AKR7A3: variants seen among roughly 807,000 people sequenced by gnomAD.
AKR7A3 encodes aldo-keto reductase family 7 member A3, also known as AFB1 aldehyde reductase 2.
In AKR7A3, 37 loss-of-function variants were observed where a neutral mutation model predicts 32.5. That is an observed-to-expected ratio of 1.14 (90% CI 0.88 to 1.50). The LOEUF is 1.50. Among genes scored for constraint, AKR7A3 ranks in the 40% most tolerant of loss-of-function variants. The pLI is 0.00. For missense variants in AKR7A3, 412 were observed against 453.2 expected, an observed-to-expected ratio of 0.91 and a Z score of 0.83; for synonymous variants, 177 against 188.4, an observed-to-expected ratio of 0.94 and a Z score of 0.50.
chr1:19,276,223 G>A, the AKR7A3 span, among the ~76,000 whole-genome samples: 103 of 151,522 alleles, frequency 6.8e-4, 1 homozygote, highest in East Asian at 0.016. Context: ...TTAGCCAGGC[G>A]TGGTGGCGGG....
At chr1:19,285,661 G>C (rs982938476) in intron 3 of AKR7A3, among the ~76,000 whole-genome samples, 17 of 151,724 alleles carry the variant, frequency 1.1e-4, no homozygotes, top group African/African-American at 3.9e-4. Context: ...GGGGAAGGTA[G>C]GGAAGGAAGG....
chr1:19,278,749 T>C (rs2093714683), downstream of AKR7A3, among the ~76,000 whole-genome samples: 1 of 151,842 alleles, frequency 6.6e-6, no homozygotes, highest in South Asian at 2.1e-4. Context: ...CCTGTACTTA[T>C]TAGCAGTGAA....
the AKR7A3 span, among the ~76,000 whole-genome samples, chr1:19,274,503 C>CTT: frequency 6.6e-6 from 1 of 151,332 alleles, no homozygotes; most frequent in Non-Finnish European, 1.5e-5. Context: ...GTGTGGTGGA[C>CTT]CTAAGTAAGG....
At chr1:19,288,046 T>C (rs1267099397) in intron 1 of AKR7A3, among the ~76,000 whole-genome samples, 3 of 152,204 alleles carry the variant, frequency 2.0e-5, no homozygotes, top group Non-Finnish European at 4.4e-5. Context: ...GATAGTGTGC[T>C]GGGTCCAAAC....
chr1:19,284,762 T>G lies in AKR7A3; in HGVS notation c.628A>C (p.Lys210Gln). The change falls in exon 5 of 7, where the codon AAG (lysine) becomes CAG (glutamine). Residue 210 changes from lysine (K) to glutamine (Q), a missense_variant. Transcript: ENST00000361640. ...LAGGLLTGKY[K>Q]YEDKNGKQPV... is the part of the protein sequence containing the mutation. The stretch of plus-strand genomic sequence containing the variant: ...TGTTTCCCATTCTTGTCCTCATACT[T>G]GTACTTGCCGGTCAGCAGGCCCCCT... 6.2e-7 allele frequency: 1 copy of G among 1,613,866 alleles called. No individual in the cohort carries two copies. Among genetic ancestry groups the G allele is most frequent in the Non-Finnish European group, 8.5e-7 (1 of 1,179,990 alleles).
intron 1 of AKR7A3, among the ~76,000 whole-genome samples, chr1:19,287,712 C>T (rs112706524): frequency 6.6e-6 from 1 of 152,114 alleles, no homozygotes; most frequent in Non-Finnish European, 1.5e-5. Context: ...GCCCTTGCCC[C>T]TTGTACTCTT....
At chr1:19,280,734 C>G (rs564383553), downstream of AKR7A3, among the ~76,000 whole-genome samples, 16 of 151,658 alleles carry the variant, frequency 1.1e-4, no homozygotes, top group African/African-American at 3.7e-4. Context: ...CCACGCCCAG[C>G]TAATTTTTTG....
chr1:19,279,078 C>T (rs548076969), downstream of AKR7A3, among the ~76,000 whole-genome samples: 3 of 151,976 alleles, frequency 2.0e-5, no homozygotes, highest in East Asian at 3.9e-4. Context: ...CCCACCTCGG[C>T]TTCCTGAGTA....
chr1:19,279,880 G>A (rs6665141), downstream of AKR7A3, among the ~76,000 whole-genome samples: 140,927 of 151,800 alleles, frequency 0.93, 65,595 homozygotes, highest in African/African-American at 0.98. Flanking sequence ...TGTGTGGCCC[G>A]ACACAAATTC....
downstream of AKR7A3, among the ~76,000 whole-genome samples, chr1:19,277,897 C>G (rs1231071841): frequency 6.6e-6 from 1 of 151,900 alleles, no homozygotes; most frequent in Non-Finnish European, 1.5e-5. Flanking sequence ...ATGTGATTTG[C>G]AAAATACTAT....
chr1:19,276,975 G>A, the AKR7A3 span, among the ~76,000 whole-genome samples: 25 of 151,198 alleles, frequency 1.7e-4, no homozygotes, highest in Non-Finnish European at 2.7e-4. Flanking sequence ...TTAGCCGGGC[G>A]TGGTGGCTCA....
chr1:19,284,920 G>C, intron 4 of AKR7A3, 98 bp downstream of exon 4: 1 of 1,585,014 alleles, frequency 6.3e-7, no homozygotes, highest in Non-Finnish European at 8.7e-7. Flanking sequence ...TGACCTCAGA[G>C]GTCAAAGTTT....
At chr1:19,287,622 C>T (rs28629463) in intron 1 of AKR7A3, among the ~76,000 whole-genome samples, 3 of 151,936 alleles carry the variant, frequency 2.0e-5, no homozygotes, top group African/African-American at 4.9e-5. Context: ...TCCTCCCCTC[C>T]GGCCACACCT....
chr1:19,287,306 CAAA>C (rs35986667), intron 1 of AKR7A3, among the ~76,000 whole-genome samples: 1 of 132,676 alleles, frequency 7.5e-6, no homozygotes, highest in Admixed American at 7.7e-5. Context: ...GACCCTGTCT[CAAA>C]AAAAAAAAAA....
At chr1:19,285,137 G>C (rs1446927387) in intron 3 of AKR7A3, 23 bp from the exon 4 acceptor site, 10 of 1,610,678 alleles carry the variant, frequency 6.2e-6, no homozygotes, top group Non-Finnish European at 8.5e-6. Context: ...GGGCCCCGGG[G>C]GAGAGGGTGG....
At chr1:19,287,928 A>C (rs1260655151) in intron 1 of AKR7A3, among the ~76,000 whole-genome samples, 1 of 152,106 alleles carries the variant, frequency 6.6e-6, no homozygotes, top group African/African-American at 2.4e-5. Flanking sequence ...GGAGCTGCCA[A>C]GGCTTCCGGG....
At chr1:19,274,233 A>G in the AKR7A3 span, 1 of 1,334,356 alleles carries the variant, frequency 7.5e-7, no homozygotes, top group Admixed American at 3.7e-5. Flanking sequence ...AACGCCGCCC[A>G]CGCGCTGGAC....
chr1:19,281,667 G>A (rs1280530096), downstream of AKR7A3, among the ~76,000 whole-genome samples: 1 of 151,832 alleles, frequency 6.6e-6, no homozygotes, highest in Non-Finnish European at 1.5e-5. Context: ...AAATAAAAAA[G>A]CCAGTTGGGA....
At chr1:19,274,702 T>C in the AKR7A3 span, among the ~76,000 whole-genome samples, 1 of 150,916 alleles carries the variant, frequency 6.6e-6, no homozygotes, top group African/African-American at 2.5e-5. Flanking sequence ...TCCCAACACT[T>C]TGGGAGATCA....
Sources: gnomAD v4.1 joint callset for allele counts (sites outside exome capture counted in the v4.1 genomes callset) on GRCh38, gnomAD v4.1.1 for gene constraint, MANE v1.5 for transcripts, NCBI Gene and HGNC (gene_info 2026-07-23, HGNC 2026-07-21) for gene names.